Variants in ZNF469 observed in about 807,000 individuals in gnomAD.
ZNF469 encodes the protein zinc finger protein 469.
In ZNF469, 1 loss-of-function variant was observed where a neutral mutation model predicts 1.0. That is an observed-to-expected ratio of 1.00 (90% confidence interval 0.35 to 4.73). The LOEUF (loss-of-function observed/expected upper bound fraction) is 4.73. Ranked by LOEUF, ZNF469 falls within the 30% of genes most tolerant of loss-of-function variation. The probability of loss-of-function intolerance (pLI) is 0.16; values close to 1 mark genes in which losing one functional copy is unlikely to be tolerated. For missense variants in ZNF469, 6,100 were observed against 5,356.3 expected (o/e 1.14, Z -4.33); for synonymous variants, 2,703 against 2,363.4 (o/e 1.14, Z -4.17).
At chr16:88,153,478 C>G in the ZNF469 span, among the ~76,000 whole-genome samples, 1 of 152,218 alleles carries the variant, frequency 6.6e-6, no homozygotes, top group Non-Finnish European at 1.5e-5. Flanking sequence ...TACCCATTGC[C>G]CTGAGGATTT....
chr16:88,221,372 C>T, the ZNF469 span, among the ~76,000 whole-genome samples: 2 of 152,198 alleles, frequency 1.3e-5, no homozygotes, highest in Admixed American at 6.5e-5. Context: ...GGGCCACTAT[C>T]GTGCCTGGCC....
the ZNF469 span, among the ~76,000 whole-genome samples, chr16:88,375,588 G>T: frequency 1.3e-5 from 2 of 152,208 alleles, no homozygotes; most frequent in Non-Finnish European, 2.9e-5. Flanking sequence ...CGGTGCCTCT[G>T]CTCATCCTTC....
intron 1 of ZNF469, among the ~76,000 whole-genome samples, chr16:88,392,251 G>A (rs574634387): frequency 7.2e-5 from 11 of 152,282 alleles, no homozygotes; most frequent in East Asian, 1.9e-4. Context: ...TCTGGCCAGC[G>A]ATGTGCAAAC....
chr16:88,377,263 C>T, the ZNF469 span, among the ~76,000 whole-genome samples: 8 of 152,226 alleles, frequency 5.3e-5, no homozygotes, highest in African/African-American at 1.7e-4. Flanking sequence ...AGGGGAGGGG[C>T]GTTGCTGCTC....
the ZNF469 span, among the ~76,000 whole-genome samples, chr16:88,124,477 C>A: frequency 6.6e-6 from 1 of 152,248 alleles, no homozygotes; most frequent in Non-Finnish European, 1.5e-5. Context: ...CCAGCCTCAA[C>A]TTCCCAAAGT....
the ZNF469 span, among the ~76,000 whole-genome samples, chr16:88,367,715 T>G: frequency 6.6e-6 from 1 of 152,172 alleles, no homozygotes; most frequent in Non-Finnish European, 1.5e-5. Flanking sequence ...TTGGGCACCA[T>G]CCTGAGCCTC....
the ZNF469 span, among the ~76,000 whole-genome samples, chr16:88,250,936 G>A: frequency 6.6e-5 from 10 of 152,248 alleles, no homozygotes; most frequent in Middle Eastern, 3.4e-3. Context: ...GGAGTGCAGC[G>A]GCATGATCTC....
the ZNF469 span, among the ~76,000 whole-genome samples, chr16:88,248,532 C>CG: frequency 0.24 from 36,765 of 151,842 alleles, 4,654 homozygotes; most frequent in South Asian, 0.45. Context: ...ACCCCTGTCT[C>CG]AAAAAAACAA....
chr16:88,175,114 T>G, the ZNF469 span, among the ~76,000 whole-genome samples: 1 of 152,226 alleles, frequency 6.6e-6, no homozygotes. Context: ...TTCCGACTGA[T>G]TCAGTCAGGC....
At chr16:88,370,889 C>T in the ZNF469 span, among the ~76,000 whole-genome samples, 79 of 152,342 alleles carry the variant, frequency 5.2e-4, 1 homozygote, top group East Asian at 0.012. Flanking sequence ...ATGGGGGTTA[C>T]GCTCTTGCTG....
chr16:88,234,090 A>G, the ZNF469 span, among the ~76,000 whole-genome samples: 2 of 152,234 alleles, frequency 1.3e-5, no homozygotes, highest in African/African-American at 2.4e-5. Flanking sequence ...TGGAAGGGCC[A>G]TGGACTTCTG....
chr16:88,189,219 A>G, the ZNF469 span, among the ~76,000 whole-genome samples: 1 of 152,232 alleles, frequency 6.6e-6, no homozygotes, highest in Admixed American at 6.5e-5. The surrounding 1 kb of genome is among the most constrained non-coding windows in gnomAD (Gnocchi z 4.3). Context: ...TTCTGATCGT[A>G]ACAACCCAAA....
In ZNF469 at chr16:88,383,036, G is replaced by A. The variant is rs1226895898; in HGVS notation, c.-410G>A. ...CTGGAGCTGGCTGCAGGGCTGGCCC[G>A]CGGCGACCTGGGCAGGGTGGCGGCT... On this transcript the variant is annotated 5_prime_UTR_variant, in exon 1 of 3. Coordinates refer to ENST00000565624, the MANE Select transcript of ZNF469 (RefSeq NM_001367624.2). Among the ~76,000 whole-genome samples, 2 of 151,772 alleles carry A rather than the reference G, an allele frequency of 1.3e-5. No individual in the cohort carries two copies. The highest frequency in any genetic ancestry group is 4.8e-5 in the African/African-American group (2 of 41,396).
Position 88,437,511 on chromosome 16 carries a change from C to A in ZNF469, c.10041C>A (p.Pro3347=), listed in dbSNP as rs1411986106. 6.5e-7 allele frequency: 1 copy of A among 1,542,418 alleles called. No homozygotes were observed. The part of the protein sequence containing the change: ...RDCHHCGKRF[P]KPFKLQRHLA... The stretch of plus-strand genomic sequence containing the variant: ...GCCACCACTGCGGGAAGCGCTTCCC[C>A]AAGCCCTTCAAGCTGCAGCGCCACC... Residue 3347 remains proline (P), a synonymous_variant, in exon 3 of 3, where the codon CCC becomes CCA. Coordinates refer to ENST00000565624, the MANE Select transcript of ZNF469 (RefSeq NM_001367624.2).
In ZNF469 at chr16:88,432,449, G is replaced by C; in HGVS notation, c.4979G>C (p.Cys1660Ser). The C allele has an allele frequency of 3.9e-6, 6 of 1,550,290 alleles. No individual in the cohort carries two copies. Among genetic ancestry groups the C allele is most frequent in the Non-Finnish European group, 5.2e-6 (6 of 1,146,968 alleles). Residue 1660 changes from cysteine to serine, a missense_variant, in exon 3 of 3, where the codon TGC becomes TCC. Cys to Ser is a moderately radical substitution (Grantham distance 112). Coordinates refer to ENST00000565624, the MANE Select transcript of ZNF469 (RefSeq NM_001367624.2). Reference protein sequence around the residue: ...VQGRPGGTWPCPASFHPGHAA... With the variant: ...VQGRPGGTWPSPASFHPGHAA... ...GGGAGGCCTGGGGGGACGTGGCCCTGCCCAGCCTCCTTCCATCCGGGACAT... is the reference window on the plus strand; with the variant it reads ...GGGAGGCCTGGGGGGACGTGGCCCTCCCCAGCCTCCTTCCATCCGGGACAT...
chr16:88,337,876 C>G, the ZNF469 span, among the ~76,000 whole-genome samples: 13 of 152,180 alleles, frequency 8.5e-5, no homozygotes, highest in Non-Finnish European at 1.5e-4. Flanking sequence ...TGTGTATATG[C>G]TGGACGCTAA....
the ZNF469 span, among the ~76,000 whole-genome samples, chr16:88,279,365 G>A: frequency 6.6e-6 from 1 of 151,316 alleles, no homozygotes; most frequent in South Asian, 2.1e-4. Context: ...ACGCCATGCT[G>A]ACGCTCAGTC....
At chr16:88,126,944 C>T in the ZNF469 span, among the ~76,000 whole-genome samples, 2 of 152,004 alleles carry the variant, frequency 1.3e-5, no homozygotes, top group African/African-American at 2.4e-5. Context: ...CTCAGCCTCC[C>T]GAGTAGCTGG....
the ZNF469 span, among the ~76,000 whole-genome samples, chr16:88,237,757 C>CG: frequency 9.2e-6 from 1 of 108,236 alleles, no homozygotes; most frequent in African/African-American, 3.2e-5. Flanking sequence ...CCCTGCCCTC[C>CG]TTGCTCCTGC....
Sources: gnomAD v4.1 joint callset for allele counts (sites outside exome capture counted in the v4.1 genomes callset) on GRCh38, gnomAD v4.1.1 for gene constraint, Gnocchi (gnomAD v3.1) non-coding constraint, MANE v1.5 for transcripts, NCBI Gene and HGNC (gene_info 2026-07-23, HGNC 2026-07-21) for gene names.